The following PHACTR1 variants were observed in gnomAD, a reference collection of about 807,000 sequenced individuals.
PHACTR1 encodes the protein phosphatase and actin regulator 1.
Under a neutral mutation model 69.2 loss-of-function variants are expected in PHACTR1, and 16 were observed. The observed-to-expected ratio is 0.23, with a 90% CI of 0.16 to 0.35. The LOEUF is 0.35. PHACTR1 is among the 10% of genes least tolerant of loss of function. The pLI is 1.00. For synonymous variants in PHACTR1, 312 were observed against 284.5 expected (o/e 1.10, Z -0.97); for missense variants, 510 against 734.7 (o/e 0.69, Z 3.54).
chr6:12,779,818 C>CTA (rs375553269), intron 4 of PHACTR1, among the ~76,000 whole-genome samples: 77 of 151,728 alleles, frequency 5.1e-4, no homozygotes, highest in South Asian at 3.9e-3. Context: ...CATTTGCTTA[C>CTA]TATATATATA....
intron 7 of PHACTR1, among the ~76,000 whole-genome samples, chr6:13,203,528 A>G (rs1322298946): frequency 2.0e-5 from 3 of 152,204 alleles, no homozygotes; most frequent in African/African-American, 4.8e-5. Flanking sequence ...TGCTATCATC[A>G]TTAACACGAT....
At chr6:12,952,639 C>T (rs558496636) in intron 4 of PHACTR1, among the ~76,000 whole-genome samples, 1 of 152,218 alleles carries the variant, frequency 6.6e-6, no homozygotes, top group Non-Finnish European at 1.5e-5. Flanking sequence ...ATCTTGATTG[C>T]TTCCAACTTT....
chr6:13,161,023 A>G (rs990276873), intron 6 of PHACTR1, among the ~76,000 whole-genome samples: 7 of 152,212 alleles, frequency 4.6e-5, no homozygotes, highest in African/African-American at 1.7e-4. Flanking sequence ...TCTGTTGCCC[A>G]GGCTGGAGTG....
rs955335470 is a variant in PHACTR1 at position 13,037,538 on chromosome 6, G to A, written c.251-15827G>A. On this transcript the variant is annotated intron_variant, in intron 4 of 14. Coordinates refer to ENST00000332995, the MANE Select transcript of PHACTR1 (RefSeq NM_030948.6). ...CAGTGACTGGCTAATTAATTAGCCA[G>A]GCAGACCGAATGGCCTTGAGGCAGA... 3.3e-5 allele frequency among the ~76,000 whole-genome samples: 5 copies of A among 152,336 alleles called. No homozygotes were observed. The South Asian group carries it at 8.3e-4, about 25-fold the overall frequency.
chr6:12,735,365 C>A (rs1013283628), intron 3 of PHACTR1, among the ~76,000 whole-genome samples: 13 of 152,128 alleles, frequency 8.5e-5, no homozygotes, highest in Non-Finnish European at 1.5e-5. Context: ...AGAGACCAAG[C>A]CTAATTCAGT....
intron 4 of PHACTR1, among the ~76,000 whole-genome samples, chr6:13,010,067 G>C (rs9473207): frequency 6.6e-6 from 1 of 151,886 alleles, no homozygotes; most frequent in African/African-American, 2.4e-5. Flanking sequence ...ACTTCCACAC[G>C]TTTTCAGCTG....
At chr6:13,185,514 A>G (rs576218902) in intron 7 of PHACTR1, among the ~76,000 whole-genome samples, 142 of 152,168 alleles carry the variant, frequency 9.3e-4, no homozygotes, top group Non-Finnish European at 1.7e-3. Flanking sequence ...AAATACTTTT[A>G]AAAGAAGAGT....
chr6:12,959,202 A>AAAAAAAG (rs1792352247), intron 4 of PHACTR1, among the ~76,000 whole-genome samples: 5 of 69,102 alleles, frequency 7.2e-5, no homozygotes, highest in African/African-American at 5.3e-4. Flanking sequence ...AAAAGAAAAG[A>AAAAAAAG]AAAAAAAAAG....
At chr6:12,795,812 A>T (rs1413196951) in intron 4 of PHACTR1, among the ~76,000 whole-genome samples, 1 of 151,954 alleles carries the variant, frequency 6.6e-6, no homozygotes, top group African/African-American at 2.4e-5. Context: ...TTTTTGGAAC[A>T]GAGTGAAAAT....
chr6:12,788,881 T>C (rs1408660582), intron 4 of PHACTR1, among the ~76,000 whole-genome samples: 6 of 152,200 alleles, frequency 3.9e-5, no homozygotes, highest in South Asian at 2.1e-4. Flanking sequence ...TAAATGCCAA[T>C]GCAAACATTG....
chr6:12,950,611 C>T (rs138073706), intron 4 of PHACTR1, among the ~76,000 whole-genome samples: 57 of 152,300 alleles, frequency 3.7e-4, no homozygotes, highest in Non-Finnish European at 6.6e-4. Context: ...CATTTAATTT[C>T]CCCCAAATAA....
chr6:13,126,091 T>C (rs747263728), intron 5 of PHACTR1, among the ~76,000 whole-genome samples: 1 of 152,174 alleles, frequency 6.6e-6, no homozygotes, highest in Non-Finnish European at 1.5e-5. Context: ...CAAGTAAGAT[T>C]TCCTTCTCGG....
chr6:12,979,598 G>T (rs542624790), intron 4 of PHACTR1, among the ~76,000 whole-genome samples: 2 of 152,070 alleles, frequency 1.3e-5, no homozygotes, highest in African/African-American at 4.8e-5. Context: ...ATGTTGTTTT[G>T]GTGTAACTTT....
At chr6:13,239,872 A>G (rs951007808) in intron 10 of PHACTR1, among the ~76,000 whole-genome samples, 1 of 152,188 alleles carries the variant, frequency 6.6e-6, no homozygotes, top group African/African-American at 2.4e-5. Context: ...CCAGTACCGC[A>G]TGTTGAGGAG....
chr6:12,796,559 C>A lies in PHACTR1; in HGVS notation c.250+46769C>A, dbSNP rs116073107. On this transcript the variant is annotated intron_variant, in intron 4 of 14. Coordinates refer to ENST00000332995, the MANE Select transcript of PHACTR1 (RefSeq NM_030948.6). The stretch of plus-strand genomic sequence containing the variant: ...CTTTAATTGATAACCAATTTGATTT[C>A]TAATCTTTGATTTTATGGTCGGATT... Among the ~76,000 whole-genome samples the A allele has an allele frequency of 2.4e-3, 368 of 152,300 alleles. 2 individuals carry two copies. Among genetic ancestry groups the A allele is most frequent in the African/African-American group, 8.5e-3 (355 of 41,564 alleles).
intron 4 of PHACTR1, among the ~76,000 whole-genome samples, chr6:12,794,437 A>G (rs1050716085): frequency 1.3e-5 from 2 of 152,234 alleles, no homozygotes; most frequent in African/African-American, 2.4e-5. Context: ...GAACTGCCCA[A>G]ACAGATCACG....
intron 4 of PHACTR1, among the ~76,000 whole-genome samples, chr6:13,045,146 T>C (rs1804820398): frequency 6.6e-6 from 1 of 152,234 alleles, no homozygotes; most frequent in African/African-American, 2.4e-5. Flanking sequence ...CAAATAGGCA[T>C]GTCTTAATTA....
At chr6:12,928,825 T>C (rs1788564565) in intron 4 of PHACTR1, among the ~76,000 whole-genome samples, 1 of 152,054 alleles carries the variant, frequency 6.6e-6, no homozygotes, top group Non-Finnish European at 1.5e-5. Flanking sequence ...CAGGCAAAGG[T>C]GCTATGTTCA....
intron 7 of PHACTR1, among the ~76,000 whole-genome samples, chr6:13,204,577 G>T (rs1265400138): frequency 3.9e-5 from 6 of 152,182 alleles, no homozygotes; most frequent in African/African-American, 1.4e-4. Context: ...CAAATGTGGA[G>T]CATCTCTAGG....
Sources: gnomAD v4.1 joint callset for allele counts (sites outside exome capture counted in the v4.1 genomes callset) on GRCh38, gnomAD v4.1.1 for gene constraint, MANE v1.5 for transcripts, NCBI Gene and HGNC (gene_info 2026-07-23, HGNC 2026-07-21) for gene names.